The following SORCS3 variants were observed in gnomAD, a reference collection of about 807,000 sequenced individuals.
SORCS3 encodes VPS10 domain-containing receptor SorCS3.
A neutral mutation model predicts 146.3 loss-of-function variants in SORCS3; 57 were observed. The observed-to-expected ratio is 0.39, with a 90% confidence interval of 0.31 to 0.49. The LOEUF is 0.49. Ranked by LOEUF, SORCS3 falls within the 20% of genes least tolerant of loss-of-function variation. The pLI, the probability that SORCS3 is intolerant of heterozygous loss-of-function variation, is 0.92. For missense variants in SORCS3, 1,341 were observed against 1,575.5 expected (o/e 0.85, Z 2.52); for synonymous variants, 653 against 618.5 (o/e 1.06, Z -0.83).
At chr10:104,956,244 T>C (rs1024771907) in intron 3 of SORCS3, among the ~76,000 whole-genome samples, 1 of 152,194 alleles carries the variant, frequency 6.6e-6, no homozygotes, top group African/African-American at 2.4e-5. Flanking sequence ...CTCTCTATAA[T>C]CCGACATTAC....
intron 2 of SORCS3, among the ~76,000 whole-genome samples, chr10:104,845,963 A>G (rs937541887): frequency 6.6e-6 from 1 of 152,144 alleles, no homozygotes; most frequent in Non-Finnish European, 1.5e-5. Flanking sequence ...GACCAGGTTC[A>G]CAGAAGGGGC....
intron 19 of SORCS3, among the ~76,000 whole-genome samples, chr10:105,222,660 T>G (rs372564056): frequency 5.3e-5 from 8 of 152,296 alleles, no homozygotes; most frequent in African/African-American, 1.9e-4. Context: ...CTGCAGATGA[T>G]GAGGCACAAT....
chr10:104,833,706 A>T (rs1397738290), intron 1 of SORCS3, among the ~76,000 whole-genome samples: 1 of 152,170 alleles, frequency 6.6e-6, no homozygotes, highest in Non-Finnish European at 1.5e-5. Flanking sequence ...TAGTCAATCC[A>T]CACTTGGTCT....
intron 3 of SORCS3, among the ~76,000 whole-genome samples, chr10:104,948,850 G>T (rs542812909): frequency 1.1e-4 from 16 of 152,172 alleles, no homozygotes; most frequent in African/African-American, 3.1e-4. Flanking sequence ...TTTATTATAG[G>T]TCACTGTTCT....
intron 20 of SORCS3, among the ~76,000 whole-genome samples, chr10:105,241,432 C>T (rs2119715389): frequency 6.6e-6 from 1 of 152,368 alleles, no homozygotes; most frequent in Non-Finnish European, 1.5e-5. Flanking sequence ...GCACCTTTAG[C>T]TCTACCATCT....
At chr10:104,973,481 G>A (rs2054874197) in intron 3 of SORCS3, among the ~76,000 whole-genome samples, 1 of 152,084 alleles carries the variant, frequency 6.6e-6, no homozygotes, top group South Asian at 2.1e-4. Flanking sequence ...GTTTATTTCT[G>A]TAGAGGTGTT....
chr10:104,747,855 T>C (rs185630621), intron 1 of SORCS3, among the ~76,000 whole-genome samples: 1 of 152,350 alleles, frequency 6.6e-6, no homozygotes, highest in African/African-American at 2.4e-5. Flanking sequence ...AGACCAGCTG[T>C]GCACCTTGAA....
chr10:105,258,125 G>T (rs12761696), intron 25 of SORCS3, among the ~76,000 whole-genome samples: 1 of 152,022 alleles, frequency 6.6e-6, no homozygotes, highest in African/African-American at 2.4e-5. Context: ...GTTTAATTCA[G>T]TATACCTCTC....
chr10:105,130,468 G>A (rs572962648), intron 7 of SORCS3, among the ~76,000 whole-genome samples: 1 of 152,074 alleles, frequency 6.6e-6, no homozygotes, highest in African/African-American at 2.4e-5. Flanking sequence ...AGGCAGTGAA[G>A]GGTACAAGAA....
At chr10:105,043,474 A>T (rs2055350912) in intron 5 of SORCS3, among the ~76,000 whole-genome samples, 1 of 152,166 alleles carries the variant, frequency 6.6e-6, no homozygotes. Context: ...CTTTTTGGAA[A>T]AGTGCATATA....
At chr10:105,099,813 A>G (rs1056907179) in intron 6 of SORCS3, among the ~76,000 whole-genome samples, 3 of 152,116 alleles carry the variant, frequency 2.0e-5, no homozygotes, top group Non-Finnish European at 2.9e-5. Flanking sequence ...CTTCTCCCAC[A>G]TTCACCAGTT....
chr10:105,029,693 T>G (rs1430119554), intron 4 of SORCS3, among the ~76,000 whole-genome samples: 4 of 152,194 alleles, frequency 2.6e-5, no homozygotes, highest in Non-Finnish European at 5.9e-5. Context: ...TCTTCTTTAA[T>G]GAGTCCTAGA....
chr10:104,988,013 A>G (rs1265458337), intron 4 of SORCS3, among the ~76,000 whole-genome samples: 1 of 152,160 alleles, frequency 6.6e-6, no homozygotes, highest in African/African-American at 2.4e-5. Context: ...CCACCTTCCC[A>G]TGTGTGGCAC....
intron 1 of SORCS3, among the ~76,000 whole-genome samples, chr10:104,837,781 T>A (rs2018087588): frequency 6.6e-6 from 1 of 152,226 alleles, no homozygotes; most frequent in Non-Finnish European, 1.5e-5. Flanking sequence ...AATTCATGAA[T>A]GAATGATAAA....
chr10:104,811,761 A>G (rs2017743244), intron 1 of SORCS3, among the ~76,000 whole-genome samples: 1 of 152,180 alleles, frequency 6.6e-6, no homozygotes, highest in African/African-American at 2.4e-5. Flanking sequence ...GGTGGCAGCC[A>G]GATAGCAGAC....
At chr10:104,866,022 GA>G (rs1410082098) in intron 2 of SORCS3, among the ~76,000 whole-genome samples, 1 of 152,208 alleles carries the variant, frequency 6.6e-6, no homozygotes, top group Non-Finnish European at 1.5e-5. Flanking sequence ...AATTGGAAAA[GA>G]AAAGGAGAGA....
chr10:105,186,374 T>C (rs1472108011), intron 14 of SORCS3, among the ~76,000 whole-genome samples: 1 of 152,316 alleles, frequency 6.6e-6, no homozygotes, highest in Non-Finnish European at 1.5e-5. Flanking sequence ...TCCTCGTGCA[T>C]AGGTGATGCT....
intron 7 of SORCS3, among the ~76,000 whole-genome samples, chr10:105,134,762 A>G (rs999500499): frequency 6.6e-6 from 1 of 152,138 alleles, no homozygotes; most frequent in Admixed American, 6.6e-5. Flanking sequence ...TGGCCCCACA[A>G]ATTTATGTCC....
At chr10:105,250,278 G>A (rs2056891067) in intron 22 of SORCS3, among the ~76,000 whole-genome samples, 1 of 152,124 alleles carries the variant, frequency 6.6e-6, no homozygotes, top group Admixed American at 6.5e-5. Flanking sequence ...ATGAATGGGG[G>A]TGGGGGGTGC....
Sources: gnomAD v4.1 joint callset for allele counts (sites outside exome capture counted in the v4.1 genomes callset) on GRCh38, gnomAD v4.1.1 for gene constraint, MANE v1.5 for transcripts, NCBI Gene and HGNC (gene_info 2026-07-23, HGNC 2026-07-21) for gene names.